Variants in ZNF428 observed in about 807,000 individuals in gnomAD.
ZNF428 encodes the protein enzyme-like protein PIT13.
ZNF428 carries 5 observed loss-of-function variants against 15.6 expected under a neutral mutation model. That is an observed-to-expected ratio of 0.32 (90% CI 0.17 to 0.67). The LOEUF (loss-of-function observed/expected upper bound fraction) is 0.67, where lower values mean the gene tolerates loss of function less well. ZNF428 is among the 30% of genes least tolerant of loss of function. The pLI is 0.73. For missense variants in ZNF428, 237 were observed against 256.0 expected (o/e 0.93, Z 0.51); for synonymous variants, 97 against 102.2 (o/e 0.95, Z 0.31).
At chr19:43,618,900 C>T (rs1973402175) in intron 1 of ZNF428, among the ~76,000 whole-genome samples, 1 of 152,144 alleles carries the variant, frequency 6.6e-6, no homozygotes, top group African/African-American at 2.4e-5. Context: ...CTTTTCCAAG[C>T]CCACGTCACA....
In ZNF428 at chr19:43,607,998, ATCATATTCAGGATCG is replaced by A; in HGVS notation, c.171_185del (p.Asp58_Asp62del). On this transcript the variant is annotated inframe_deletion, in exon 3 of 3. Coordinates refer to ENST00000300811, the MANE Select transcript of ZNF428 (RefSeq NM_182498.4). This position sits in a 1 kb window ranked among gnomAD's most constrained non-coding sequence, Gnocchi z 5.1. ...GGCGCTGCTTCACCTTGTAGCCAGG[ATCATATTCAGGATCG>A]TCAGTGGTCTCCTCTTCCTCCTCCT... 6.2e-7 allele frequency: 1 copy of A among 1,611,922 alleles called. No individual in the cohort carries two copies. The highest frequency in any genetic ancestry group is 8.5e-7 in the Non-Finnish European group (1 of 1,179,484).
At chr19:43,618,322 C>A (rs1261258663) in intron 1 of ZNF428, among the ~76,000 whole-genome samples, 1 of 151,836 alleles carries the variant, frequency 6.6e-6, no homozygotes, top group East Asian at 1.9e-4. Flanking sequence ...CGTGAGCCAC[C>A]GCGCCCAGCC....
At chr19:43,614,607 T>C (rs1973353986) in intron 1 of ZNF428, 173 bp from the exon 2 acceptor site, 1 of 361,668 alleles carries the variant, frequency 2.8e-6, no homozygotes, top group Non-Finnish European at 4.6e-6. Context: ...TCTAGGTCTT[T>C]TTTTTTTTTG....
intron 2 of ZNF428, chr19:43,613,196 C>T: frequency 1.3e-6 from 2 of 1,551,614 alleles, no homozygotes; most frequent in East Asian, 2.4e-5. Context: ...GTCTAGAAAC[C>T]CCAGCAAGGA....
intron 2 of ZNF428, among the ~76,000 whole-genome samples, chr19:43,611,405 C>T (rs1050692161): frequency 5.9e-5 from 9 of 152,052 alleles, no homozygotes; most frequent in African/African-American, 1.7e-4. Context: ...CTGCAACCTC[C>T]GCCTCCAAGG....
intron 1 of ZNF428, among the ~76,000 whole-genome samples, chr19:43,619,063 G>C (rs1344639646): frequency 6.6e-6 from 1 of 152,170 alleles, no homozygotes; most frequent in Non-Finnish European, 1.5e-5. Flanking sequence ...CAATTCCCAA[G>C]ATGCCCCGCG....
Position 43,612,483 on chromosome 19 carries a change from G to A in ZNF428, c.76+1746C>T, listed in dbSNP as rs1191664956. ...CAGCGGAGGGGCACACACAGCCGGG[G>A]TAGGACACCTGGCAGAAGGGGAAGC... On this transcript the variant is annotated intron_variant, in intron 2 of 2. Coordinates refer to ENST00000300811, the MANE Select transcript of ZNF428 (RefSeq NM_182498.4). The surrounding 1 kb of genome is among the most constrained non-coding windows in gnomAD (Gnocchi z 4.2). 1 of 1,551,322 alleles carries A rather than the reference G, an allele frequency of 6.4e-7. No homozygotes were observed. Among genetic ancestry groups the A allele is most frequent in the East Asian group, 2.4e-5 (1 of 40,902 alleles).
intron 2 of ZNF428, 77 bp from the exon 3 acceptor site, chr19:43,608,184 C>CCTTG (rs1600084641): frequency 6.5e-7 from 1 of 1,534,010 alleles, no homozygotes; most frequent in East Asian, 2.3e-5. Flanking sequence ...TCCCTGAATC[C>CCTTG]CCACATTCAG....
rs1973253619 is a variant in ZNF428, at chr19:43,607,716, C to G, written c.468G>C (p.Glu156Asp). 2.5e-6 allele frequency: 4 copies of G among 1,613,792 alleles called. No homozygotes were observed. Among genetic ancestry groups the G allele is most frequent in the Non-Finnish European group, 3.4e-6 (4 of 1,179,752 alleles). The change falls in exon 3 of 3, where the codon GAG (glutamate) becomes GAC (aspartate). Residue 156 changes from glutamate to aspartate, a missense_variant. Physicochemically the swap from Glu to Asp is conservative, Grantham distance 45. Transcript: ENST00000300811. This position sits in a 1 kb window ranked among gnomAD's most constrained non-coding sequence, Gnocchi z 5.1. ...PAGREEEEEEEEEGTYHCTEC... is the reference protein window; with the variant it reads ...PAGREEEEEEDEEGTYHCTEC... ...CCGTACAGTGGTAGGTTCCCTCCTC[C>G]TCCTCTTCCTCCTCCTCCTCCCGCC...
chr19:43,614,988 T>G (rs1234100585), intron 1 of ZNF428, among the ~76,000 whole-genome samples: 2 of 152,148 alleles, frequency 1.3e-5, no homozygotes, highest in East Asian at 3.9e-4. Flanking sequence ...ACTCCAAATA[T>G]TCAACAGTGG....
chr19:43,612,942 C>A lies in ZNF428; in HGVS notation c.76+1287G>T, dbSNP rs1600087108. ...GTCAAGAGTTATAACCAGGCCAGCACCCGCAGCAGGCCGCAAAGTCACAGC... is the reference window on the plus strand; with the variant it reads ...GTCAAGAGTTATAACCAGGCCAGCAACCGCAGCAGGCCGCAAAGTCACAGC... On this transcript the variant is annotated intron_variant, in intron 2 of 2. Coordinates refer to ENST00000300811, the MANE Select transcript of ZNF428 (RefSeq NM_182498.4). This position sits in a 1 kb window ranked among gnomAD's most constrained non-coding sequence, Gnocchi z 4.2. 7.1e-6 allele frequency: 11 copies of A among 1,551,648 alleles called. No individual in the cohort carries two copies. The highest frequency in any genetic ancestry group is 9.6e-6 in the Non-Finnish European group (11 of 1,146,950).
At chr19:43,617,758 TGTCA>T (rs1360754458) in intron 1 of ZNF428, among the ~76,000 whole-genome samples, 15 of 152,230 alleles carry the variant, frequency 9.9e-5, no homozygotes, top group Non-Finnish European at 2.2e-4. Context: ...CGAAGGCTGC[TGTCA>T]AATTCCTGGC....
At position 43,613,695 on chromosome 19, in the gene ZNF428, G is replaced by C. The variant is rs1973335941; in HGVS notation, c.76+534C>G. The C allele has an allele frequency of 5.2e-6, 8 of 1,551,602 alleles. No individual in the cohort carries two copies. Among genetic ancestry groups the C allele is most frequent in the Non-Finnish European group, 7.0e-6 (8 of 1,146,958 alleles). On this transcript the variant is annotated intron_variant, in intron 2 of 2. Transcript: ENST00000300811. Reference sequence around the variant, plus strand: ...AAAGAGAGAGATCACAGACGATCTAGAAGCCCCAGCAAGGAGAGACAGCGC... The same window carrying C: ...AAAGAGAGAGATCACAGACGATCTACAAGCCCCAGCAAGGAGAGACAGCGC...
At position 43,614,247 on chromosome 19, in the gene ZNF428, C is replaced by T. The variant is rs1463907009; in HGVS notation, c.58G>A (p.Asp20Asn). Residue 20 changes from aspartate to asparagine, a missense_variant, in exon 2 of 3, where the codon GAT (aspartate) becomes AAT (asparagine). Physicochemically the swap from Asp to Asn is conservative, Grantham distance 23. Transcript: ENST00000300811. Reference sequence around the variant, plus strand: ...ACCTTACCTGGGGAAAGGTCTTCATCATCTTCTTCCAAGCTGGCGTAGCCC... The same window carrying T: ...ACCTTACCTGGGGAAAGGTCTTCATTATCTTCTTCCAAGCTGGCGTAGCCC... Reference protein sequence around the residue: ...TGGYASLEEDDEDLSPGPEHS... With the variant: ...TGGYASLEEDNEDLSPGPEHS... 1.9e-6 allele frequency: 3 copies of T among 1,613,988 alleles called. No individual in the cohort carries two copies. The South Asian group carries it at 3.3e-5, about 18-fold the overall frequency.
At chr19:43,617,362 C>T (rs1973382058) in intron 1 of ZNF428, among the ~76,000 whole-genome samples, 2 of 152,246 alleles carry the variant, frequency 1.3e-5, no homozygotes, top group South Asian at 4.1e-4. Context: ...ATATCTCTTA[C>T]ATGCCAAGGC....
In ZNF428 at chr19:43,612,065, A is replaced by G; in HGVS notation, c.76+2164T>C. The G allele has an allele frequency of 7.6e-7, 1 of 1,311,236 alleles. No individual in the cohort carries two copies. Among genetic ancestry groups the G allele is most frequent in the Non-Finnish European group, 1.1e-6 (1 of 934,250 alleles). The allele number at this position is 1,311,236 out of a possible 1,614,324, so 81.2% of individuals were successfully genotyped here. ...GGCAATCAGGTCATCGTCCACGGCT[A>G]CCAGGTGTTTCATGTCTACTGTGAC... On this transcript the variant is annotated intron_variant, in intron 2 of 2. Transcript: ENST00000300811. This position sits in a 1 kb window ranked among gnomAD's most constrained non-coding sequence, Gnocchi z 4.2.
chr19:43,610,456 T>A (rs1310312161), intron 2 of ZNF428, among the ~76,000 whole-genome samples: 2 of 151,922 alleles, frequency 1.3e-5, no homozygotes, highest in Non-Finnish European at 2.9e-5. Context: ...CATCTCAGCC[T>A]CCCAAAGTGC....
At position 43,614,520 on chromosome 19, in the gene ZNF428, C is replaced by G. The variant is rs1027695233; in HGVS notation, c.-130-86G>C. 2.3e-6 allele frequency: 3 copies of G among 1,311,614 alleles called. No individual in the cohort carries two copies. The East Asian group carries it at 7.9e-5, about 34-fold the overall frequency. The allele number at this position is 1,311,614 out of a possible 1,614,324, so 81.2% of individuals were successfully genotyped here. ...CCCACCAAGCCCAACTGTGTGCTCACTGCTGGCATGGGGCACAGAGGACCC... is the reference window on the plus strand; with the variant it reads ...CCCACCAAGCCCAACTGTGTGCTCAGTGCTGGCATGGGGCACAGAGGACCC... On this transcript the variant is annotated intron_variant, in intron 1 of 2. Coordinates refer to ENST00000300811, the MANE Select transcript of ZNF428 (RefSeq NM_182498.4).
At chr19:43,619,443 C>G (rs1973412871) in intron 1 of ZNF428, 115 bp downstream of exon 1, 2 of 152,294 alleles carry the variant, frequency 1.3e-5, no homozygotes, top group South Asian at 4.1e-4. Context: ...CCTCGGGTCA[C>G]CACGGCCCCA....
Sources: allele counts gnomAD v4.1 joint callset (sites outside exome capture counted in the v4.1 genomes callset), GRCh38; gene constraint gnomAD v4.1.1; non-coding constraint Gnocchi (gnomAD v3.1); transcripts MANE v1.5; gene names NCBI Gene and HGNC (gene_info 2026-07-23, HGNC 2026-07-21).